The following TEPSIN variants were observed in gnomAD, a reference collection of about 807,000 sequenced individuals.
TEPSIN encodes TEPSIN adaptor related protein complex 4 accessory protein, also known as AP-4 complex accessory subunit tepsin.
Under a neutral mutation model 48.5 loss-of-function variants are expected in TEPSIN, and 50 were observed. The observed-to-expected ratio is 1.03, with a 90% CI of 0.82 to 1.31. The LOEUF is 1.31. Ranked by LOEUF, TEPSIN falls within the 50% of genes most tolerant of loss-of-function variation. TEPSIN has a pLI of 0.00. For missense variants in TEPSIN, 838 were observed against 815.9 expected (o/e 1.03, Z -0.33); for synonymous variants, 392 against 358.8 (o/e 1.09, Z -1.05).
At chr17:81,231,323 A>G (rs996465097) in intron 11 of TEPSIN, 75 bp downstream of exon 11, 2 of 1,382,570 alleles carry the variant, frequency 1.4e-6, no homozygotes, top group East Asian at 2.5e-5. Context: ...ACACGTGCAC[A>G]CACACGCACA....
In TEPSIN at chr17:81,239,023, G is replaced by C. The variant is rs969216148; in HGVS notation, c.11C>G (p.Ala4Gly). MAA[A>G]PPLRDRLSFL... ...GCTCAGGCGGTCCCGTAGCGGCGGC[G>C]CGGCAGCCATGATCCAGGTCCCCTC... Residue 4 changes from alanine to glycine, a missense_variant, in exon 1 of 13, where the codon GCG becomes GGG. Ala to Gly is a moderately conservative substitution (Grantham distance 60). Coordinates refer to ENST00000637944, the MANE Select transcript of TEPSIN (RefSeq NM_001363764.2). 8 of 1,490,320 alleles carry C rather than the reference G, an allele frequency of 5.4e-6. No individual in the cohort carries two copies. Among genetic ancestry groups the C allele is most frequent in the Non-Finnish European group, 6.2e-6 (7 of 1,125,160 alleles). The allele number at this position is 1,490,320 out of a possible 1,614,324, so 92.3% of individuals were successfully genotyped here.
At chr17:81,232,194 G>C in intron 8 of TEPSIN, 121 bp downstream of exon 8, 1 of 1,322,986 alleles carries the variant, frequency 7.6e-7, no homozygotes, top group Non-Finnish European at 1.0e-6. Flanking sequence ...TGCTTCCGCC[G>C]CGGGTCCCAC....
chr17:81,238,828 G>T (rs755752856), intron 1 of TEPSIN, 158 bp downstream of exon 1: 3 of 1,332,498 alleles, frequency 2.3e-6, no homozygotes, highest in East Asian at 3.1e-5. Context: ...GGCGCGGCGG[G>T]CGGGCAGCTC....
chr17:81,232,045 G>A (rs766563231), intron 8 of TEPSIN, 24 bp from the exon 9 acceptor site: 3 of 1,598,050 alleles, frequency 1.9e-6, no homozygotes, highest in East Asian at 4.5e-5. Flanking sequence ...GACAGCCGGT[G>A]AGATCCCTGG....
chr17:81,234,542 C>G lies in TEPSIN; in HGVS notation c.308-494G>C, dbSNP rs943957406. ...TTCCTTAAATCTTCCGGCCCCAGGG[C>G]CCCCCAAGCCTACACCTGGGGCCGC... On this transcript the variant is annotated intron_variant, in intron 4 of 12. Transcript: ENST00000637944. This position sits in a 1 kb window ranked among gnomAD's most constrained non-coding sequence, Gnocchi z 5.4. Among the ~76,000 whole-genome samples the G allele has an allele frequency of 1.3e-5, 2 of 152,056 alleles. No individual in the cohort carries two copies. Among genetic ancestry groups the G allele is most frequent in the African/African-American group, 2.4e-5 (1 of 41,390 alleles).
intron 2 of TEPSIN, 152 bp from the exon 3 acceptor site, chr17:81,237,223 G>GT: frequency 8.6e-7 from 1 of 1,162,928 alleles, no homozygotes; most frequent in Non-Finnish European, 1.2e-6. Flanking sequence ...AGGGTCCCCT[G>GT]TGTCATCAGT....
At chr17:81,229,540 C>A in intron 12 of TEPSIN, 64 bp from the exon 13 acceptor site, 3 of 1,501,882 alleles carry the variant, frequency 2.0e-6, no homozygotes, top group East Asian at 2.5e-5. Context: ...GGGACCAGGG[C>A]CCGCTTCTCC....
rs762757814 is a variant in TEPSIN at position 81,236,743 on chromosome 17, AG to A, written c.271del (p.Leu91SerfsTer130). On this transcript the variant is annotated frameshift_variant, in exon 4 of 13. Coordinates refer to ENST00000637944, the MANE Select transcript of TEPSIN (RefSeq NM_001363764.2). LOFTEE classifies it high-confidence loss of function. ...SHGSSFFLLI[L>X]KRNSAFIQEA... ...CTGGATGAAGGCAGAGTTGCGTTTGAGGATGAGCAGGAAGAAGGAGGAGCCG... is the reference window on the plus strand; with the variant it reads ...CTGGATGAAGGCAGAGTTGCGTTTGAGATGAGCAGGAAGAAGGAGGAGCCG... 1.3e-6 allele frequency: 2 copies of A among 1,573,504 alleles called. No individual in the cohort carries two copies. Among genetic ancestry groups the A allele is most frequent in the South Asian group, 2.3e-5 (2 of 85,642 alleles).
Position 81,233,354 on chromosome 17 carries a change from C to T in TEPSIN, c.526+78G>A, listed in dbSNP as rs912814931. The T allele has an allele frequency of 1.3e-5, 20 of 1,516,208 alleles. No homozygotes were observed. The highest frequency in any genetic ancestry group is 2.7e-5 in the African/African-American group (2 of 72,994). The allele number at this position is 1,516,208 out of a possible 1,614,324, so 93.9% of individuals were successfully genotyped here. A position where few individuals can be genotyped will look rare whatever the true frequency, so the allele number is the denominator to read the frequency against. ...GGGGGACAGCAGCTACTAGATGGGG[C>T]GGCATGGTCCGGCCCCCACCACCTC... is the stretch of plus-strand genomic sequence containing the variant. On this transcript the variant is annotated intron_variant, in intron 7 of 12. Transcript: ENST00000637944. The surrounding 1 kb of genome is among the most constrained non-coding windows in gnomAD (Gnocchi z 5.8).
intron 8 of TEPSIN, 122 bp from the exon 9 acceptor site, chr17:81,232,143 C>T (rs1478304509): frequency 5.9e-6 from 8 of 1,364,132 alleles, no homozygotes; most frequent in Non-Finnish European, 7.8e-6. Flanking sequence ...TGGGTGGCCA[C>T]CTTGGCTCCA....
Position 81,233,559 on chromosome 17 carries a change from G to C in TEPSIN, c.455-56C>G. 2 of 1,563,352 alleles carry C rather than the reference G, an allele frequency of 1.3e-6. No homozygotes were observed. The highest frequency in any genetic ancestry group is 4.6e-5 in the East Asian group (2 of 43,890). On this transcript the variant is annotated intron_variant, in intron 6 of 12. Transcript: ENST00000637944. The surrounding 1 kb of genome is among the most constrained non-coding windows in gnomAD (Gnocchi z 5.8). ...GGCCCCCACCCTCGGCCCTGCCCAC[G>C]GATGGCACAGACACCCAGGACACTC...
chr17:81,235,302 T>C (rs2062701241), intron 4 of TEPSIN, among the ~76,000 whole-genome samples: 1 of 152,214 alleles, frequency 6.6e-6, no homozygotes, highest in Admixed American at 6.5e-5. Flanking sequence ...TTCTTTCCTC[T>C]TTCTGACGCT....
chr17:81,238,591 C>T (rs1337499925), intron 1 of TEPSIN: 5 of 1,083,348 alleles, frequency 4.6e-6, no homozygotes, highest in Non-Finnish European at 4.5e-6. Context: ...GACCGGAGTC[C>T]TCTGAAACGC....
chr17:81,237,109 A>G, intron 2 of TEPSIN, 38 bp from the exon 3 acceptor site: 1 of 1,545,530 alleles, frequency 6.5e-7, no homozygotes, highest in South Asian at 1.2e-5. Context: ...CGAGATGATG[A>G]GGGCTGCGCC....
chr17:81,236,860 G>A, intron 3 of TEPSIN, 59 bp from the exon 4 acceptor site: 2 of 1,538,266 alleles, frequency 1.3e-6, no homozygotes, highest in South Asian at 1.2e-5. Context: ...CCCAGGGCAG[G>A]GCCCGGGGGC....
rs2062770976 is a variant in TEPSIN, at chr17:81,238,734, C to T, written c.48+252G>A. The T allele has an allele frequency of 6.4e-6, 8 of 1,255,228 alleles. No homozygotes were observed. In the South Asian group the frequency reaches 1.8e-4, roughly 28 times the overall value. 77.8% of individuals were successfully genotyped at this position (1,255,228 alleles called of 1,614,324 possible). A position where few individuals can be genotyped will look rare whatever the true frequency, so the allele number is the denominator to read the frequency against. Reference sequence around the variant, plus strand: ...CACTGAATGCTGGCCGAGGCCTGTTCGTTCCCCCAGGGTCTGGCTGTGCCC... The same window carrying T: ...CACTGAATGCTGGCCGAGGCCTGTTTGTTCCCCCAGGGTCTGGCTGTGCCC... On this transcript the variant is annotated intron_variant, in intron 1 of 12. Coordinates refer to ENST00000637944, the MANE Select transcript of TEPSIN (RefSeq NM_001363764.2).
chr17:81,230,373 G>T lies in TEPSIN; in HGVS notation c.1233+171C>A, dbSNP rs1438545670. ...TGGAAGGCGGGAAGGCAATGGGGAG[G>T]TGAGGACCCTGACTTGCTGCTGCTC... On this transcript the variant is annotated intron_variant, in intron 12 of 12. Transcript: ENST00000637944. This position sits in a 1 kb window ranked among gnomAD's most constrained non-coding sequence, Gnocchi z 4.2. The T allele has an allele frequency of 1.2e-6, 1 of 858,308 alleles. No homozygotes were observed. Among genetic ancestry groups the T allele is most frequent in the Non-Finnish European group, 1.8e-6 (1 of 569,734 alleles). 53.2% of individuals were successfully genotyped at this position (858,308 alleles called of 1,614,324 possible).
chr17:81,230,639 G>A lies in TEPSIN; in HGVS notation c.1138C>T (p.Leu380Phe). 1 of 1,592,040 alleles carries A rather than the reference G, an allele frequency of 6.3e-7. No individual in the cohort carries two copies. The highest frequency in any genetic ancestry group is 8.6e-7 in the Non-Finnish European group (1 of 1,168,400). The change falls in exon 12 of 13, where the codon CTC becomes TTC. Residue 380 changes from leucine to phenylalanine, a missense_variant. Coordinates refer to ENST00000637944, the MANE Select transcript of TEPSIN (RefSeq NM_001363764.2). This position sits in a 1 kb window ranked among gnomAD's most constrained non-coding sequence, Gnocchi z 4.2. ...AGGAGGATGTGCTCCTGGGGGAGGA[G>A]GTCGCTGCTCCCCAGGGAGGCGATG... The part of the protein sequence containing the change: ...CAIASLGSSD[L>F]LPQEHILLRT...
chr17:81,237,733 C>T (rs1232205746), intron 1 of TEPSIN: 4 of 527,640 alleles, frequency 7.6e-6, no homozygotes, highest in African/African-American at 5.8e-5. Flanking sequence ...AGGGACACAG[C>T]CCCCAGCCTC....
Sources: gnomAD v4.1 joint callset for allele counts (sites outside exome capture counted in the v4.1 genomes callset) on GRCh38, gnomAD v4.1.1 for gene constraint, Gnocchi (gnomAD v3.1) non-coding constraint, MANE v1.5 for transcripts, NCBI Gene and HGNC (gene_info 2026-07-23, HGNC 2026-07-21) for gene names.